Variants in PTPRD observed in about 807,000 individuals in gnomAD.
The protein encoded by PTPRD is receptor-type tyrosine-protein phosphatase delta.
PTPRD carries 34 observed loss-of-function variants against 214.5 expected under a neutral mutation model. The ratio of observed to expected loss-of-function variants is 0.16; its 90% confidence interval spans 0.12 to 0.21. The LOEUF is 0.21. Ranked by LOEUF, PTPRD falls within the 10% of genes least tolerant of loss-of-function variation. The pLI is 1.00. For missense variants in PTPRD, 2,545 were observed against 2,398.7 expected, an observed-to-expected ratio of 1.06 and a Z score of -1.27; for synonymous variants, 1,128 against 845.7, an observed-to-expected ratio of 1.33 and a Z score of -5.79.
At chr9:8,664,459 C>G (rs1418557524) in intron 12 of PTPRD, among the ~76,000 whole-genome samples, 1 of 152,140 alleles carries the variant, frequency 6.6e-6, no homozygotes, top group Non-Finnish European at 1.5e-5. Context: ...AAATACAAGG[C>G]AAGCACCCAT....
At chr9:8,492,796 G>C (rs1016331038) in intron 27 of PTPRD, 66 bp downstream of exon 27, 2 of 1,100,136 alleles carry the variant, frequency 1.8e-6, no homozygotes, top group Non-Finnish European at 2.6e-6. Context: ...CCTGCTAGAA[G>C]CTACCTATAC....
At chr9:8,543,837 C>T (rs1246192948) in intron 14 of PTPRD, among the ~76,000 whole-genome samples, 2 of 152,004 alleles carry the variant, frequency 1.3e-5, no homozygotes, top group Admixed American at 6.6e-5. Flanking sequence ...CTCAGCCTCC[C>T]GAGTAGCTGG....
intron 5 of PTPRD, among the ~76,000 whole-genome samples, chr9:9,775,954 C>CAA (rs59412193): frequency 0.013 from 375 of 28,676 alleles, 47 homozygotes; most frequent in Middle Eastern, 0.022. Flanking sequence ...GACTCTGTCT[C>CAA]AAAAAAAAAA....
At chr9:9,910,817 G>C (rs1453409803) in intron 5 of PTPRD, among the ~76,000 whole-genome samples, 2 of 151,982 alleles carry the variant, frequency 1.3e-5, no homozygotes, top group African/African-American at 4.8e-5. Context: ...ACTCCTAATG[G>C]ACTGAATAAT....
chr9:9,283,040 A>G lies in PTPRD; in HGVS notation c.-202-99677T>C, dbSNP rs1948264200. ...AGGTCAGAATTAATGGAGTGAAGGT[A>G]TCTCAATCTTCCCCTAAACTTGGTG... On this transcript the variant is annotated intron_variant, in intron 9 of 45. Coordinates refer to ENST00000381196, the MANE Select transcript of PTPRD (RefSeq NM_002839.4). 2.6e-5 allele frequency among the ~76,000 whole-genome samples: 4 copies of G among 151,588 alleles called. No homozygotes were observed. The South Asian group carries it at 6.2e-4, about 24-fold the overall frequency.
In PTPRD at chr9:8,317,085, CA is replaced by C. The variant is rs1822407617; in HGVS notation, c.*788del. 8.7e-6 allele frequency: 2 copies of C among 228,600 alleles called. No homozygotes were observed. Among genetic ancestry groups the C allele is most frequent in the African/African-American group, 4.7e-5 (2 of 42,502 alleles). The allele number at this position is 228,600 out of a possible 1,614,324, so 14.2% of individuals were successfully genotyped here. ...TATTTGAAGAGAATGGGTACTTTCT[CA>C]CCAATCAAAACTGAAGTGTAAAATT... On this transcript the variant is annotated 3_prime_UTR_variant, in exon 46 of 46. Transcript: ENST00000381196.
At chr9:10,023,529 C>G (rs2096863878) in intron 4 of PTPRD, among the ~76,000 whole-genome samples, 1 of 152,098 alleles carries the variant, frequency 6.6e-6, no homozygotes, top group African/African-American at 2.4e-5. Flanking sequence ...AAATATTTCA[C>G]AAATCTTTAT....
At chr9:8,697,275 A>T (rs913795964) in intron 12 of PTPRD, among the ~76,000 whole-genome samples, 2 of 152,162 alleles carry the variant, frequency 1.3e-5, no homozygotes, top group African/African-American at 4.8e-5. Context: ...TCAGCTTAAT[A>T]GCCAGAGAAA....
In PTPRD at chr9:8,724,768, T is replaced by TA. The variant is rs112711921; in HGVS notation, c.64+9011dup. On this transcript the variant is annotated intron_variant, in intron 12 of 45. Transcript: ENST00000381196. ...GGGCAACATGAGGAAACCCCATCTC[T>TA]AAAAAAAAAAAATACAAAAATTAGC... Among the ~76,000 whole-genome samples the TA allele has an allele frequency of 3.0e-3, 429 of 143,012 alleles. 3 individuals carry two copies. The highest frequency in any genetic ancestry group is 9.3e-3 in the African/African-American group (364 of 39,052). 93.8% of individuals were successfully genotyped at this position (143,012 alleles called of 152,430 possible).
At chr9:9,452,597 C>T (rs558821985) in intron 8 of PTPRD, among the ~76,000 whole-genome samples, 45 of 151,174 alleles carry the variant, frequency 3.0e-4, no homozygotes, top group Non-Finnish European at 5.0e-4. Flanking sequence ...CCATAGCTAA[C>T]TTACTCATCT....
At chr9:9,431,954 A>G (rs1588251998) in intron 8 of PTPRD, among the ~76,000 whole-genome samples, 1 of 150,906 alleles carries the variant, frequency 6.6e-6, no homozygotes, top group Non-Finnish European at 1.5e-5. Flanking sequence ...CCTAATGTAA[A>G]TGACAAGTTA....
intron 7 of PTPRD, among the ~76,000 whole-genome samples, chr9:9,660,155 T>C (rs1255266014): frequency 1.3e-5 from 2 of 152,018 alleles, no homozygotes; most frequent in African/African-American, 4.8e-5. Context: ...TTTCATGTAA[T>C]TCCCCCGTGG....
intron 44 of PTPRD, among the ~76,000 whole-genome samples, chr9:8,323,181 T>A (rs146688888): frequency 2.2e-4 from 34 of 152,280 alleles, no homozygotes; most frequent in Admixed American, 3.3e-4. Flanking sequence ...GACCTACTGC[T>A]TAGAATAAAA....
chr9:9,896,245 C>T (rs537239101), intron 5 of PTPRD, among the ~76,000 whole-genome samples: 99 of 152,146 alleles, frequency 6.5e-4, no homozygotes, highest in African/African-American at 2.3e-3. Flanking sequence ...ATCAGGGTCT[C>T]TATTTTGCTG....
intron 39 of PTPRD, among the ~76,000 whole-genome samples, chr9:8,344,935 T>C (rs1336546826): frequency 6.9e-6 from 1 of 144,712 alleles, no homozygotes; most frequent in Non-Finnish European, 1.6e-5. Flanking sequence ...AAAAGGCAGT[T>C]ACTTTCTAGG....
At position 9,514,704 on chromosome 9, in the gene PTPRD, G is replaced by A. The variant is rs534083353; in HGVS notation, c.-237+60028C>T. Among the ~76,000 whole-genome samples the A allele has an allele frequency of 7.2e-5, 11 of 152,058 alleles. No individual in the cohort carries two copies. In the South Asian group the frequency reaches 1.9e-3, roughly 26 times the overall value. Reference sequence around the variant, plus strand: ...TGACATCCTAAGTTTAAAAATGAAGGTCCTCCTCAGTGCCTTACTGGTAAG... The same window carrying A: ...TGACATCCTAAGTTTAAAAATGAAGATCCTCCTCAGTGCCTTACTGGTAAG... On this transcript the variant is annotated intron_variant, in intron 8 of 45. Coordinates refer to ENST00000381196, the MANE Select transcript of PTPRD (RefSeq NM_002839.4).
intron 11 of PTPRD, among the ~76,000 whole-genome samples, chr9:9,010,924 C>T (rs147826629): frequency 1.3e-4 from 20 of 152,186 alleles, no homozygotes; most frequent in East Asian, 1.9e-4. Context: ...GGCGTCCTCA[C>T]GAAAGTATGA....
chr9:8,433,969 G>A (rs2095226890), intron 35 of PTPRD, among the ~76,000 whole-genome samples: 1 of 150,498 alleles, frequency 6.6e-6, no homozygotes, highest in African/African-American at 2.5e-5. Flanking sequence ...CCTACATAGG[G>A]GCACCATTTG....
chr9:10,119,465 A>C (rs2098757639), intron 3 of PTPRD, among the ~76,000 whole-genome samples: 1 of 152,024 alleles, frequency 6.6e-6, no homozygotes, highest in South Asian at 2.1e-4. Context: ...AAAAATGTTT[A>C]AAACGGTTCT....
Sources: allele counts gnomAD v4.1 joint callset (sites outside exome capture counted in the v4.1 genomes callset), GRCh38; gene constraint gnomAD v4.1.1; transcripts MANE v1.5; gene names NCBI Gene and HGNC (gene_info 2026-07-23, HGNC 2026-07-21).